Variants in DAB1 observed in about 807,000 individuals in gnomAD.
The protein encoded by DAB1 is DAB adaptor protein 1, also known as disabled homolog 1.
A neutral mutation model predicts 64.6 loss-of-function variants in DAB1; 15 were observed. The ratio of observed to expected loss-of-function variants is 0.23; its 90% CI spans 0.16 to 0.36. The LOEUF (loss-of-function observed/expected upper bound fraction) is 0.36, where lower values mean the gene tolerates loss of function less well. DAB1 is among the 10% of genes least tolerant of loss of function. The pLI, the probability that DAB1 is intolerant of heterozygous loss-of-function variation, is 1.00. For synonymous variants in DAB1, 235 were observed against 251.9 expected (o/e 0.93, Z 0.64); for missense variants, 596 against 706.7 (o/e 0.84, Z 1.78).
In DAB1 at chr1:58,244,265, G is replaced by A. The variant is rs183084002; in HGVS notation, n.310-93677C>T. 3.1e-4 allele frequency among the ~76,000 whole-genome samples: 47 copies of A among 152,266 alleles called. 1 individual carries two copies. The East Asian group carries it at 4.6e-3, about 15-fold the overall frequency. ...AAGCATCAGCAATAACAATGACGACGACTGTAGTGATGGTGATGATGGTTC... is the reference window on the plus strand; with the variant it reads ...AAGCATCAGCAATAACAATGACGACAACTGTAGTGATGGTGATGATGGTTC... On this transcript the variant is annotated intron_variant and non_coding_transcript_variant, in intron 4 of 20. Coordinates refer to the DAB1 transcript ENST00000485760.
intron 7 of DAB1, among the ~76,000 whole-genome samples, chr1:57,634,876 T>TG (rs1279606421): frequency 6.6e-6 from 1 of 151,672 alleles, no homozygotes; most frequent in African/African-American, 2.4e-5. Context: ...GGCAATGGGG[T>TG]GGGGAGGGTA....
intron 4 of DAB1, among the ~76,000 whole-genome samples, chr1:58,311,004 A>G (rs1055233910): frequency 6.6e-6 from 1 of 152,084 alleles, no homozygotes; most frequent in East Asian, 1.9e-4. Flanking sequence ...AGCAGTCCTC[A>G]ACTTTGGATC....
At chr1:57,379,879 G>A (rs754472272) in intron 1 of DAB1, among the ~76,000 whole-genome samples, 7 of 152,182 alleles carry the variant, frequency 4.6e-5, no homozygotes, top group African/African-American at 7.2e-5. Flanking sequence ...TTAACACCAC[G>A]ACTTTGGGTA....
At chr1:57,126,573 G>A (rs1657145577) in intron 4 of DAB1, among the ~76,000 whole-genome samples, 2 of 152,220 alleles carry the variant, frequency 1.3e-5, no homozygotes, top group African/African-American at 2.4e-5. Flanking sequence ...GAGCTGCTAA[G>A]AGGTTCAGTG....
chr1:57,158,634 C>T (rs1044776146), intron 2 of DAB1, among the ~76,000 whole-genome samples: 5 of 152,136 alleles, frequency 3.3e-5, no homozygotes, highest in Admixed American at 2.6e-4. Context: ...TAAATTCTAT[C>T]TTGCAATTAT....
intron 6 of DAB1, among the ~76,000 whole-genome samples, chr1:57,763,557 T>C (rs1649178103): frequency 6.6e-6 from 1 of 152,092 alleles, no homozygotes; most frequent in Non-Finnish European, 1.5e-5. Context: ...TGTATCCCTA[T>C]AGTCCTAACT....
chr1:57,911,959 C>T (rs1644651230), intron 5 of DAB1, among the ~76,000 whole-genome samples: 1 of 152,214 alleles, frequency 6.6e-6, no homozygotes. Flanking sequence ...CTGTATTAAA[C>T]CCCCTCCATG....
chr1:58,521,686 C>G (rs1215883729), intron 2 of DAB1, among the ~76,000 whole-genome samples: 2 of 151,880 alleles, frequency 1.3e-5, no homozygotes, highest in African/African-American at 4.8e-5. Flanking sequence ...ACAAAAATTC[C>G]TAGAAAAACT....
At chr1:57,086,688 T>C (rs371217410) in intron 4 of DAB1, among the ~76,000 whole-genome samples, 2,197 of 66,562 alleles carry the variant, frequency 0.033, 31 homozygotes, top group African/African-American at 0.072. Context: ...CACACACACA[T>C]GAAAAAAACC....
intron 2 of DAB1, among the ~76,000 whole-genome samples, chr1:57,224,100 C>G (rs1667087173): frequency 6.6e-6 from 1 of 152,174 alleles, no homozygotes; most frequent in Admixed American, 6.5e-5. Flanking sequence ...AGACTAAGAG[C>G]TCCTTAACTG....
intron 2 of DAB1, among the ~76,000 whole-genome samples, chr1:57,186,458 C>A (rs1276892172): frequency 6.6e-6 from 1 of 152,162 alleles, no homozygotes; most frequent in Non-Finnish European, 1.5e-5. Context: ...TATTAGTGGG[C>A]CAATGGATCT....
chr1:57,555,850 G>A (rs1180245266), intron 7 of DAB1, among the ~76,000 whole-genome samples: 1 of 152,178 alleles, frequency 6.6e-6, no homozygotes, highest in Non-Finnish European at 1.5e-5. Context: ...AACATGATAT[G>A]AAATCCATTT....
intron 1 of DAB1, chr1:58,539,065 T>C (rs1263280649): frequency 1.1e-6 from 1 of 872,834 alleles, no homozygotes; most frequent in Admixed American, 1.7e-5. Flanking sequence ...TCCTGTTCTT[T>C]TGTTGTTAAA....
chr1:57,054,733 C>T (rs1166538421), intron 9 of DAB1, among the ~76,000 whole-genome samples: 1 of 152,126 alleles, frequency 6.6e-6, no homozygotes, highest in Non-Finnish European at 1.5e-5. Flanking sequence ...CTACCTTGGC[C>T]TCCCAAAGGG....
intron 7 of DAB1, among the ~76,000 whole-genome samples, chr1:57,588,088 T>C (rs1645401575): frequency 6.6e-6 from 1 of 152,184 alleles, no homozygotes; most frequent in Non-Finnish European, 1.5e-5. Context: ...TTGGGTGAGA[T>C]CTTTGGTTGC....
chr1:58,491,387 A>C (rs1192729824), intron 3 of DAB1, among the ~76,000 whole-genome samples: 2 of 152,184 alleles, frequency 1.3e-5, no homozygotes, highest in Non-Finnish European at 2.9e-5. Context: ...TAACATCATA[A>C]TGACAGGATC....
At chr1:57,284,763 G>A (rs1464094916) in intron 2 of DAB1, among the ~76,000 whole-genome samples, 5 of 152,382 alleles carry the variant, frequency 3.3e-5, no homozygotes, top group African/African-American at 9.6e-5. Context: ...GTAAGCCAAT[G>A]TTAGCGGAAG....
At chr1:58,130,818 G>A (rs977455671) in intron 5 of DAB1, among the ~76,000 whole-genome samples, 152 of 152,204 alleles carry the variant, frequency 1.0e-3, no homozygotes, top group African/African-American at 3.2e-3. Context: ...GGTTTCTGCC[G>A]AGAGATCCGC....
intron 2 of DAB1, among the ~76,000 whole-genome samples, chr1:57,156,400 A>C (rs952514784): frequency 2.0e-5 from 3 of 152,008 alleles, no homozygotes; most frequent in Non-Finnish European, 4.4e-5. Context: ...TCTCCTCTAC[A>C]CTTGAACTCT....
Sources: gnomAD v4.1 joint callset for allele counts (sites outside exome capture counted in the v4.1 genomes callset) on GRCh38, gnomAD v4.1.1 for gene constraint, MANE v1.5 for transcripts, NCBI Gene and HGNC (gene_info 2026-07-23, HGNC 2026-07-21) for gene names.